The following DOCK8 variants were observed in gnomAD, a reference collection of about 807,000 sequenced individuals.
DOCK8 encodes dedicator of cytokinesis 8.
In DOCK8, 141 loss-of-function variants were observed where a neutral mutation model predicts 245.6. That is an observed-to-expected ratio of 0.57 (90% CI 0.50 to 0.66). DOCK8 has a LOEUF of 0.66. DOCK8 is among the 30% of genes least tolerant of loss of function. DOCK8 has a pLI of 0.00. For missense variants in DOCK8, 2,965 were observed against 2,603.4 expected, an observed-to-expected ratio of 1.14 and a Z score of -3.02; for synonymous variants, 1,168 against 970.2, an observed-to-expected ratio of 1.20 and a Z score of -3.79.
chr9:400,087 T>A (rs1252470036), intron 26 of DOCK8, among the ~76,000 whole-genome samples: 44 of 66,128 alleles, frequency 6.7e-4, no homozygotes, highest in African/African-American at 3.0e-3. Context: ...CACCACCACC[T>A]CCACCATCAC....
At chr9:424,769 T>C (rs2056419158) in intron 33 of DOCK8, among the ~76,000 whole-genome samples, 1 of 152,236 alleles carries the variant, frequency 6.6e-6, no homozygotes, top group Non-Finnish European at 1.5e-5. Flanking sequence ...AATATGAATG[T>C]ACTTAACACT....
intron 14 of DOCK8, among the ~76,000 whole-genome samples, chr9:344,113 G>T (rs1214210698): frequency 1.3e-5 from 2 of 152,040 alleles, no homozygotes; most frequent in Admixed American, 1.3e-4. Flanking sequence ...CTGTAGAAGT[G>T]CCAAGGACAC....
chr9:384,882 C>G (rs1197181737), intron 22 of DOCK8, among the ~76,000 whole-genome samples: 1 of 152,166 alleles, frequency 6.6e-6, no homozygotes, highest in Non-Finnish European at 1.5e-5. Context: ...TGCCACCGCA[C>G]TCCAGCCTGG....
chr9:292,064 T>A (rs1226609631), intron 4 of DOCK8, among the ~76,000 whole-genome samples: 13 of 64,392 alleles, frequency 2.0e-4, no homozygotes, highest in South Asian at 7.8e-4. Context: ...AGGAAGACCC[T>A]ATCTCAAAAA....
At chr9:397,271 A>C (rs999227476) in intron 25 of DOCK8, among the ~76,000 whole-genome samples, 3 of 151,562 alleles carry the variant, frequency 2.0e-5, no homozygotes, top group Non-Finnish European at 4.4e-5. Context: ...GAACTGCTTG[A>C]ACCTGGGAGA....
chr9:407,890 G>A (rs1318669954), intron 28 of DOCK8, among the ~76,000 whole-genome samples: 1 of 152,162 alleles, frequency 6.6e-6, no homozygotes, highest in Non-Finnish European at 1.5e-5. Flanking sequence ...CAGATTCAAA[G>A]ATGATTAGGA....
At chr9:234,600 T>C (rs975207761) in intron 1 of DOCK8, among the ~76,000 whole-genome samples, 2 of 152,194 alleles carry the variant, frequency 1.3e-5, no homozygotes, top group African/African-American at 4.8e-5. Context: ...TTGTTGCTTT[T>C]TATTCTTTTT....
intron 5 of DOCK8, among the ~76,000 whole-genome samples, chr9:305,486 C>A (rs1014686333): frequency 6.6e-6 from 1 of 152,044 alleles, no homozygotes; most frequent in East Asian, 1.9e-4. Flanking sequence ...GGGGTTTCAC[C>A]GTGTTAGTCA....
chr9:340,378 T>A (rs889659379), intron 14 of DOCK8, 57 bp downstream of exon 14: 16 of 1,607,768 alleles, frequency 1.0e-5, no homozygotes, highest in Non-Finnish European at 1.3e-5. Context: ...CCCATAACTT[T>A]GGGAGGCCGA....
intron 7 of DOCK8, among the ~76,000 whole-genome samples, chr9:322,378 C>T (rs905503396): frequency 2.7e-5 from 3 of 112,980 alleles, no homozygotes; most frequent in Non-Finnish European, 1.9e-5. Context: ...AGCCCAGGTT[C>T]TGTGATCAGA....
At chr9:339,948 T>G (rs2051497943) in intron 13 of DOCK8, among the ~76,000 whole-genome samples, 1 of 152,252 alleles carries the variant, frequency 6.6e-6, no homozygotes, top group Admixed American at 6.5e-5. Context: ...ATTTTACAAT[T>G]TCTTGCTTTA....
rs770993676 is a variant in DOCK8 at position 286,472 on chromosome 9, T to C, written c.168T>C (p.Tyr56=). ...CCCTGCCCCTCCAGCCTCAGTTTTA[T>C]GACCCTGTGGAGCCAGTGGACTTTG... is the stretch of plus-strand genomic sequence containing the variant. ...GFPSLQLPQF[Y]DPVEPVDFEG... The change falls in exon 3 of 48, where the codon TAT becomes TAC. Residue 56 remains tyrosine, a synonymous_variant. Transcript: ENST00000432829. The C allele has an allele frequency of 7.4e-6, 12 of 1,613,828 alleles. No homozygotes were observed. The African/African-American group carries it at 1.6e-4, about 22-fold the overall frequency.
intron 27 of DOCK8, among the ~76,000 whole-genome samples, 153 bp from the exon 28 acceptor site, chr9:406,777 G>A (rs974863423): frequency 2.1e-5 from 3 of 139,962 alleles, no homozygotes; most frequent in Non-Finnish European, 4.5e-5. Flanking sequence ...CTGTGCCTCA[G>A]TTTCCTTGTC....
intron 42 of DOCK8, among the ~76,000 whole-genome samples, chr9:443,074 G>T (rs1587067629): frequency 6.6e-6 from 1 of 152,122 alleles, no homozygotes; most frequent in Non-Finnish European, 1.5e-5. Flanking sequence ...ATCTTCTTGT[G>T]CACTGTGATT....
At chr9:412,006 C>G (rs1374878125) in intron 28 of DOCK8, among the ~76,000 whole-genome samples, 1 of 152,150 alleles carries the variant, frequency 6.6e-6, no homozygotes, top group Non-Finnish European at 1.5e-5. Context: ...AAAAACAGTG[C>G]TTTATCCCTA....
intron 1 of DOCK8, among the ~76,000 whole-genome samples, chr9:228,403 C>A (rs568735422): frequency 6.6e-6 from 1 of 152,112 alleles, no homozygotes; most frequent in East Asian, 1.9e-4. Flanking sequence ...GATTTTGAAA[C>A]TCTGATGACA....
chr9:332,459 A>G lies in DOCK8; in HGVS notation c.1106A>G (p.Lys369Arg), dbSNP rs1381835942. The G allele has an allele frequency of 6.8e-6, 11 of 1,612,872 alleles. No individual in the cohort carries two copies. Among genetic ancestry groups the G allele is most frequent in the Non-Finnish European group, 9.3e-6 (11 of 1,179,012 alleles). ...GDCAEPYTVI[K>R]ESDGGKSKEK... is the part of the protein sequence containing the mutation. ...TGTGCAGAGCCCTACACGGTTATCA[A>G]AGAAAGTGATGGTGGAAAGGTATGG... Residue 369 changes from lysine (K) to arginine (R), a missense_variant, in exon 10 of 48, where the codon AAA becomes AGA. Lys to Arg is a conservative substitution (Grantham distance 26). Around this residue, in one of 3 missense-constraint regions of DOCK8, gnomAD observed 2,825 missense variants for 2,453.5 expected, o/e 1.15. Transcript: ENST00000432829.
At chr9:345,222 A>G (rs1281670920) in intron 14 of DOCK8, among the ~76,000 whole-genome samples, 1 of 152,192 alleles carries the variant, frequency 6.6e-6, no homozygotes, top group Non-Finnish European at 1.5e-5. Context: ...AGGAAATCAA[A>G]TAACTGAAAA....
intron 22 of DOCK8, among the ~76,000 whole-genome samples, 155 bp from the exon 23 acceptor site, chr9:386,171 TCTTTG>T (rs2053941934): frequency 1.3e-5 from 2 of 152,238 alleles, no homozygotes; most frequent in Admixed American, 6.5e-5. Flanking sequence ...AACTTCACTG[TCTTTG>T]CTTTGTTTTA....
Sources: allele counts gnomAD v4.1 joint callset (sites outside exome capture counted in the v4.1 genomes callset), GRCh38; gene constraint gnomAD v4.1.1; regional missense constraint gnomAD v4.1.1; transcripts MANE v1.5; gene names NCBI Gene and HGNC (gene_info 2026-07-23, HGNC 2026-07-21).